EXOC1: variants seen among roughly 807,000 people sequenced by gnomAD.
EXOC1 encodes the protein SEC3-like 1.
A neutral mutation model predicts 107.7 loss-of-function variants in EXOC1; 67 were observed. The observed-to-expected ratio is 0.62, with a 90% CI of 0.51 to 0.76. The LOEUF (loss-of-function observed/expected upper bound fraction) is 0.76. Ranked by LOEUF, EXOC1 falls within the 30% of genes least tolerant of loss-of-function variation. The probability of loss-of-function intolerance (pLI) is 0.00; values close to 1 mark genes in which losing one functional copy is unlikely to be tolerated. For synonymous variants in EXOC1, 348 were observed against 353.5 expected (o/e 0.98, Z 0.17); for missense variants, 833 against 1,055.7 (o/e 0.79, Z 2.92).
At position 55,895,936 on chromosome 4, in the gene EXOC1, G is replaced by A. The variant is rs975926548; in HGVS notation, c.1954-781G>A. Among the ~76,000 whole-genome samples, 63 of 152,216 alleles carry A rather than the reference G, an allele frequency of 4.1e-4. 1 individual carries two copies. The highest frequency in any genetic ancestry group is 1.2e-3 in the African/African-American group (50 of 41,520). ...ATCCAGACAGAAATTTTAGACTGAC[G>A]AAAATTGGAAATGACTGTGGTTCTC... On this transcript the variant is annotated intron_variant, in intron 15 of 18. Coordinates refer to ENST00000381295, the MANE Select transcript of EXOC1 (RefSeq NM_001024924.2).
chr4:55,878,044 G>C lies in EXOC1; in HGVS notation c.1202G>C (p.Gly401Ala). The change falls in exon 9 of 19, where the codon GGA becomes GCA. Residue 401 changes from glycine (G) to alanine (A), a missense_variant. By Grantham distance (60) the Gly-to-Ala change is moderately conservative (BLOSUM62 0). Around this residue, in one of 2 missense-constraint regions of EXOC1, gnomAD observed 617 missense variants for 701.3 expected, o/e 0.88. Transcript: ENST00000381295. ...LMEWLKSTDYGKYEGLTKNYM... is the reference protein window; with the variant it reads ...LMEWLKSTDYAKYEGLTKNYM... Reference sequence around the variant, plus strand: ...GAGTGGCTAAAGAGTACAGATTATGGAAAATATGAAGGACTAACAAAGGTA... The same window carrying C: ...GAGTGGCTAAAGAGTACAGATTATGCAAAATATGAAGGACTAACAAAGGTA... 1 of 1,613,316 alleles carries C rather than the reference G, an allele frequency of 6.2e-7. No individual in the cohort carries two copies. The highest frequency in any genetic ancestry group is 8.5e-7 in the Non-Finnish European group (1 of 1,179,662).
At chr4:55,868,019 C>T (rs1722108664) in intron 4 of EXOC1, among the ~76,000 whole-genome samples, 1 of 152,080 alleles carries the variant, frequency 6.6e-6, no homozygotes, top group East Asian at 1.9e-4. Context: ...GGTTTGTTCC[C>T]ACCTGTTTTT....
At chr4:55,897,430 A>C (rs865792134) in intron 16 of EXOC1, among the ~76,000 whole-genome samples, 12 of 152,118 alleles carry the variant, frequency 7.9e-5, no homozygotes, top group African/African-American at 2.9e-4. Context: ...CTTATTTAGG[A>C]CTCAGTTTTT....
At position 55,858,563 on chromosome 4, in the gene EXOC1, A is replaced by G. The variant is rs537765984; in HGVS notation, c.124+116A>G. On this transcript the variant is annotated intron_variant, in intron 2 of 18. Transcript: ENST00000381295. ...TGTAATTGGAAAAATTGTTGGGTCA[A>G]CACATTCCTAGTTAACACTTGGCTT... The G allele has an allele frequency of 4.6e-5, 53 of 1,147,350 alleles. 1 individual carries two copies. The South Asian group carries it at 8.5e-4, about 18-fold the overall frequency. The allele number at this position is 1,147,350 out of a possible 1,614,324, so 71.1% of individuals were successfully genotyped here.
chr4:55,875,885 T>G, intron 8 of EXOC1: 2 of 893,526 alleles, frequency 2.2e-6, no homozygotes, highest in Non-Finnish European at 1.3e-6. Context: ...GGCAGCATAG[T>G]AAGACTCCAT....
rs1420332433 is a variant in EXOC1 at position 55,902,451 on chromosome 4, G to T, written c.2445G>T (p.Glu815Asp). 7.6e-6 allele frequency: 12 copies of T among 1,586,414 alleles called. No homozygotes were observed. Among genetic ancestry groups the T allele is most frequent in the Non-Finnish European group, 1.0e-5 (12 of 1,168,996 alleles). ...AAGAACTTCGTAAAGTCATTAAGGA[G>T]TACCCTGGAAAGGAAGTAAAAAAAG... ...NKQELRKVIKEYPGKEVKKGL... is the reference protein window; with the variant it reads ...NKQELRKVIKDYPGKEVKKGL... Residue 815 changes from glutamate (E) to aspartate (D), a missense_variant, in exon 18 of 19, where the codon GAG becomes GAT. Coordinates refer to ENST00000381295, the MANE Select transcript of EXOC1 (RefSeq NM_001024924.2).
At chr4:55,877,261 C>A in intron 8 of EXOC1, 1 of 984,708 alleles carries the variant, frequency 1.0e-6, no homozygotes, top group Non-Finnish European at 1.2e-6. Flanking sequence ...AATTTTAATA[C>A]AGTTTTCACA....
intron 15 of EXOC1, among the ~76,000 whole-genome samples, chr4:55,896,233 T>C (rs1725186991): frequency 6.6e-6 from 1 of 152,184 alleles, no homozygotes; most frequent in African/African-American, 2.4e-5. Context: ...CACTGCAACC[T>C]CTGCCTCCCA....
At chr4:55,899,612 A>C in intron 16 of EXOC1, 73 bp from the exon 17 acceptor site, 1 of 1,312,260 alleles carries the variant, frequency 7.6e-7, no homozygotes, top group Non-Finnish European at 1.1e-6. Flanking sequence ...AAAAAAATTA[A>C]TAGTATAAAT....
At chr4:55,866,603 G>C (rs1014581942) in intron 4 of EXOC1, among the ~76,000 whole-genome samples, 7 of 152,120 alleles carry the variant, frequency 4.6e-5, no homozygotes, top group Non-Finnish European at 1.0e-4. Flanking sequence ...GGGTTAGTTA[G>C]TGCTGTTTCT....
intron 10 of EXOC1, among the ~76,000 whole-genome samples, chr4:55,886,477 T>C (rs1298822189): frequency 6.6e-6 from 1 of 150,894 alleles, no homozygotes; most frequent in African/African-American, 2.4e-5. Context: ...CACTTGAGCC[T>C]GAGAGGTCAA....
At position 55,892,715 on chromosome 4, in the gene EXOC1, T is replaced by A; in HGVS notation, c.1724+4T>A. On this transcript the variant is annotated splice_donor_region_variant and intron_variant, in intron 14 of 18. Transcript: ENST00000381295. Reference sequence around the variant, plus strand: ...CACCACTGCCTGTTTCATCTGAGTATGTCTTTGTTACTATCATTGTTTATT... The same window carrying A: ...CACCACTGCCTGTTTCATCTGAGTAAGTCTTTGTTACTATCATTGTTTATT... 6.2e-7 allele frequency: 1 copy of A among 1,613,664 alleles called. No homozygotes were observed. The highest frequency in any genetic ancestry group is 8.5e-7 in the Non-Finnish European group (1 of 1,179,616).
intron 1 of EXOC1, among the ~76,000 whole-genome samples, chr4:55,858,064 T>C (rs1721157188): frequency 6.6e-6 from 1 of 152,226 alleles, no homozygotes; most frequent in Non-Finnish European, 1.5e-5. Flanking sequence ...TTGAAGATTT[T>C]TTTCTTAAAT....
chr4:55,858,443 C>T lies in EXOC1; in HGVS notation c.120C>T (p.Ala40=), dbSNP rs1430521292. Residue 40 remains alanine (A), a synonymous_variant, in exon 2 of 19, where the codon GCC becomes GCT. Coordinates refer to ENST00000381295, the MANE Select transcript of EXOC1 (RefSeq NM_001024924.2). ...AGAAAAAGAACTGTTTTTTATGTGCCACAGGTGGGTATTTAGTAAGAAAGA... is the reference window on the plus strand; with the variant it reads ...AGAAAAAGAACTGTTTTTTATGTGCTACAGGTGGGTATTTAGTAAGAAAGA... ...GKKKKNCFLC[A]TVTTERPVQV... is the part of the protein sequence containing the mutation. 6.3e-7 allele frequency: 1 copy of T among 1,592,954 alleles called. No homozygotes were observed. Among genetic ancestry groups the T allele is most frequent in the East Asian group, 2.3e-5 (1 of 44,186 alleles).
At chr4:55,883,767 T>C (rs1201351503) in intron 9 of EXOC1, 56 bp from the exon 10 acceptor site, 1 of 1,122,984 alleles carries the variant, frequency 8.9e-7, no homozygotes. Context: ...AATTGAAAAA[T>C]TGAAATTGTT....
chr4:55,864,808 A>C (rs1292419516), intron 4 of EXOC1, among the ~76,000 whole-genome samples: 1 of 152,180 alleles, frequency 6.6e-6, no homozygotes, highest in Non-Finnish European at 1.5e-5. Context: ...TTATTTAACT[A>C]ATCATTTATT....
intron 15 of EXOC1, among the ~76,000 whole-genome samples, chr4:55,894,424 A>G (rs1347374592): frequency 6.6e-6 from 1 of 151,666 alleles, no homozygotes; most frequent in African/African-American, 2.4e-5. Context: ...ATTTGGGTTT[A>G]TTGTTATTGT....
At chr4:55,874,210 C>T (rs1722693182) in intron 8 of EXOC1, among the ~76,000 whole-genome samples, 1 of 152,068 alleles carries the variant, frequency 6.6e-6, no homozygotes, top group African/African-American at 2.4e-5. Context: ...AAATATTGTA[C>T]TGAAGAATCC....
chr4:55,886,588 A>C (rs1466348300), intron 10 of EXOC1, among the ~76,000 whole-genome samples: 1 of 151,854 alleles, frequency 6.6e-6, no homozygotes, highest in African/African-American at 2.4e-5. Context: ...AAAAAAAAAA[A>C]ACAAGAAATG....
Sources: allele counts gnomAD v4.1 joint callset (sites outside exome capture counted in the v4.1 genomes callset), GRCh38; gene constraint gnomAD v4.1.1; regional missense constraint gnomAD v4.1.1; transcripts MANE v1.5; gene names NCBI Gene and HGNC (gene_info 2026-07-23, HGNC 2026-07-21).